KATNBL1: variants seen among roughly 807,000 people sequenced by gnomAD.
KATNBL1 encodes katanin regulatory subunit B1 like 1.
A neutral mutation model predicts 44.7 loss-of-function variants in KATNBL1; 28 were observed. The observed-to-expected ratio is 0.63, with a 90% CI of 0.46 to 0.86. KATNBL1 has a LOEUF of 0.86. KATNBL1 is among the 40% of genes least tolerant of loss of function. The probability of loss-of-function intolerance (pLI) is 0.00; values close to 1 mark genes in which losing one functional copy is unlikely to be tolerated. For synonymous variants in KATNBL1, 78 were observed against 114.9 expected, an observed-to-expected ratio of 0.68 and a Z score of 2.06; for missense variants, 272 against 350.7, an observed-to-expected ratio of 0.78 and a Z score of 1.79.
Position 34,187,945 on chromosome 15 carries a change from C to T in KATNBL1, c.-15+22006G>A, listed in dbSNP as rs185267677. 4.6e-3 allele frequency among the ~76,000 whole-genome samples: 702 copies of T among 151,674 alleles called. 1 individual carries two copies. The highest frequency in any genetic ancestry group is 7.9e-3 in the Non-Finnish European group (537 of 67,904). ...CTTGAAGTCAGGAGTCTGAGACCAG[C>T]CTGGCCAACATGGTGAAACCCCGTA... On this transcript the variant is annotated intron_variant, in intron 1 of 9. Coordinates refer to ENST00000256544, the MANE Select transcript of KATNBL1 (RefSeq NM_024713.3).
At chr15:34,195,246 T>C (rs779807352) in intron 1 of KATNBL1, among the ~76,000 whole-genome samples, 32 of 152,264 alleles carry the variant, frequency 2.1e-4, no homozygotes, top group Middle Eastern at 3.4e-3. Flanking sequence ...ACATATACAA[T>C]ATGGGATACT....
chr15:34,155,464 A>C (rs574350919), intron 2 of KATNBL1, among the ~76,000 whole-genome samples: 1 of 152,202 alleles, frequency 6.6e-6, no homozygotes, highest in Non-Finnish European at 1.5e-5. Context: ...AAGAGAAGTA[A>C]GGATGGTGGC....
At chr15:34,145,078 G>A (rs746306869) in intron 9 of KATNBL1, 35 of 1,026,038 alleles carry the variant, frequency 3.4e-5, no homozygotes, top group Non-Finnish European at 4.1e-5. Flanking sequence ...TGAGTTCCTC[G>A]TCTTGTTTTC....
chr15:34,147,324 G>A (rs1888338852), intron 6 of KATNBL1, 35 bp from the exon 7 acceptor site: 12 of 1,583,370 alleles, frequency 7.6e-6, no homozygotes, highest in Non-Finnish European at 1.0e-5. Flanking sequence ...AATATGGATG[G>A]GCCATAATTT....
Position 34,148,629 on chromosome 15 carries a change from T to C in KATNBL1, c.557+3A>G, listed in dbSNP as rs199560159. 413 of 1,479,374 alleles carry C rather than the reference T, an allele frequency of 2.8e-4. No individual in the cohort carries two copies. The highest frequency in any genetic ancestry group is 3.9e-4 in the Non-Finnish European group (408 of 1,058,758). The allele number at this position is 1,479,374 out of a possible 1,614,324, so 91.6% of individuals were successfully genotyped here. A position where few individuals can be genotyped will look rare whatever the true frequency, so the allele number is the denominator to read the frequency against. On this transcript the variant is annotated splice_donor_region_variant and intron_variant, in intron 5 of 9. Transcript: ENST00000256544. ...AACAAAGAGGATAAAAGGTCACACT[T>C]ACCTCAACAAATAAGCTACAAGTTC...
intron 1 of KATNBL1, among the ~76,000 whole-genome samples, chr15:34,184,728 A>G (rs1394311950): frequency 1.3e-5 from 2 of 151,264 alleles, no homozygotes; most frequent in Non-Finnish European, 2.9e-5. Flanking sequence ...GCCCGCCACC[A>G]TGCCCGGCTA....
chr15:34,158,578 C>T (rs1888707073), intron 2 of KATNBL1, among the ~76,000 whole-genome samples: 1 of 151,890 alleles, frequency 6.6e-6, no homozygotes, highest in Non-Finnish European at 1.5e-5. Context: ...GTGATTAATT[C>T]TTGTGGACCA....
rs1272082304 is a variant in KATNBL1 at position 34,186,524 on chromosome 15, A to G, written c.-14-22834T>C. Among the ~76,000 whole-genome samples the G allele has an allele frequency of 2.6e-5, 4 of 152,138 alleles. No homozygotes were observed. The South Asian group carries it at 8.3e-4, about 32-fold the overall frequency. ...GCAGACCTGGGCCTCCTTCTCCAGG[A>G]AGCAGGCAGGAGGTGGGGACAGGCG... is the stretch of plus-strand genomic sequence containing the variant. On this transcript the variant is annotated intron_variant, in intron 1 of 9. Transcript: ENST00000256544.
intron 1 of KATNBL1, among the ~76,000 whole-genome samples, chr15:34,196,983 C>A (rs1351877455): frequency 6.6e-6 from 1 of 152,178 alleles, no homozygotes; most frequent in African/African-American, 2.4e-5. Context: ...ATTTTAAATT[C>A]CTATTTCCAA....
At chr15:34,185,221 T>C (rs9944206) in intron 1 of KATNBL1, among the ~76,000 whole-genome samples, 31,351 of 150,980 alleles carry the variant, frequency 0.21, 4,047 homozygotes, top group African/African-American at 0.37. Context: ...CTGCTTGCCT[T>C]GGCCTCCCAA....
chr15:34,153,597 A>T (rs954981560), intron 3 of KATNBL1, among the ~76,000 whole-genome samples: 2 of 151,162 alleles, frequency 1.3e-5, no homozygotes, highest in African/African-American at 4.9e-5. Flanking sequence ...TTTGAGATGC[A>T]GTCTCTCTCT....
At chr15:34,155,975 AT>A (rs1468124215) in intron 2 of KATNBL1, among the ~76,000 whole-genome samples, 12 of 152,100 alleles carry the variant, frequency 7.9e-5, no homozygotes, top group Non-Finnish European at 2.9e-5. Flanking sequence ...GCTTTATGAC[AT>A]TGTGTTTTTT....
At chr15:34,164,592 T>C (rs1888909044) in intron 1 of KATNBL1, among the ~76,000 whole-genome samples, 1 of 152,228 alleles carries the variant, frequency 6.6e-6, no homozygotes, top group Non-Finnish European at 1.5e-5. Context: ...GGCATGTTGA[T>C]GGAAACAAAT....
intron 2 of KATNBL1, among the ~76,000 whole-genome samples, chr15:34,162,301 C>T (rs180681783): frequency 1.4e-3 from 212 of 152,256 alleles, no homozygotes; most frequent in African/African-American, 4.7e-3. Context: ...ATAAGTCTCA[C>T]GAGATCTGAT....
intron 1 of KATNBL1, chr15:34,209,010 GTAAAGCTCT>G (rs1890363987): frequency 6.6e-6 from 1 of 152,180 alleles, no homozygotes; most frequent in Non-Finnish European, 1.5e-5. Flanking sequence ...ATATCCCAAA[GTAAAGCTCT>G]TAATACGCCC....
Position 34,159,144 on chromosome 15 carries a change from T to TA in KATNBL1, c.117+4415dup, listed in dbSNP as rs1337982644. Among the ~76,000 whole-genome samples, 6 of 9,466 alleles carry TA rather than the reference T, an allele frequency of 6.3e-4. No individual in the cohort carries two copies. The East Asian group carries it at 0.049, about 78-fold the overall frequency. 6.2% of individuals were successfully genotyped at this position (9,466 alleles called of 152,430 possible). Reference sequence around the variant, plus strand: ...TGACAATGAAGTTCCTTCTAAAAGTTAATTTTTTCTTTTTTTTCTGTTAAT... The same window carrying TA: ...TGACAATGAAGTTCCTTCTAAAAGTTAAATTTTTTCTTTTTTTTCTGTTAAT... On this transcript the variant is annotated intron_variant, in intron 2 of 9. Transcript: ENST00000256544.
At chr15:34,143,966 CAAAAAAAAA>C (rs61591705) in intron 9 of KATNBL1, among the ~76,000 whole-genome samples, 33 of 66,412 alleles carry the variant, frequency 5.0e-4, no homozygotes, top group African/African-American at 2.2e-3. Flanking sequence ...GATTCCATCT[CAAAAAAAAA>C]AAAAAAAAAA....
chr15:34,164,456 T>C (rs898739612), intron 1 of KATNBL1, among the ~76,000 whole-genome samples: 2 of 152,032 alleles, frequency 1.3e-5, no homozygotes, highest in African/African-American at 2.4e-5. Flanking sequence ...ACTTGTCCTA[T>C]GCCTAATCCT....
intron 1 of KATNBL1, among the ~76,000 whole-genome samples, chr15:34,178,766 A>AAAG (rs1460041353): frequency 6.6e-6 from 1 of 151,752 alleles, no homozygotes; most frequent in African/African-American, 2.4e-5. Context: ...AAAAAAAAAA[A>AAAG]AAAAAAAAAA....
Sources: gnomAD v4.1 joint callset for allele counts (sites outside exome capture counted in the v4.1 genomes callset) on GRCh38, gnomAD v4.1.1 for gene constraint, MANE v1.5 for transcripts, NCBI Gene and HGNC (gene_info 2026-07-23, HGNC 2026-07-21) for gene names.